The following MAP2K2 variants were observed in gnomAD, a reference collection of about 807,000 sequenced individuals.
The protein encoded by MAP2K2 is mitogen-activated protein kinase kinase 2.
A neutral mutation model predicts 43.7 loss-of-function variants in MAP2K2; 24 were observed. The ratio of observed to expected loss-of-function variants is 0.55; its 90% CI spans 0.40 to 0.77. MAP2K2 has a LOEUF of 0.77. MAP2K2 is among the 30% of genes least tolerant of loss of function. The probability of loss-of-function intolerance (pLI) is 0.00; values close to 1 mark genes in which losing one functional copy is unlikely to be tolerated. For missense variants in MAP2K2, 470 were observed against 566.8 expected, an observed-to-expected ratio of 0.83 and a Z score of 1.73; for synonymous variants, 244 against 239.7, an observed-to-expected ratio of 1.02 and a Z score of -0.17.
At chr19:4,120,480 AT>A (rs1444724012) in intron 1 of MAP2K2, among the ~76,000 whole-genome samples, 2 of 151,988 alleles carry the variant, frequency 1.3e-5, no homozygotes, top group African/African-American at 4.8e-5. Flanking sequence ...CGCTCAGCTA[AT>A]TTTTTTGGCA....
In MAP2K2 at chr19:4,122,013, C is replaced by T. The variant is rs375413747; in HGVS notation, c.92+1771G>A. ...CCCCTAAGGGACCCCCCTGCCCCACCTTGGCACCCTAGGTGCCCTCTTCAT... is the reference window on the plus strand; with the variant it reads ...CCCCTAAGGGACCCCCCTGCCCCACTTTGGCACCCTAGGTGCCCTCTTCAT... On this transcript the variant is annotated intron_variant, in intron 1 of 10. Transcript: ENST00000262948. Among the ~76,000 whole-genome samples the T allele has an allele frequency of 1.9e-3, 272 of 142,328 alleles. 19 individuals are homozygous for T. In the South Asian group the frequency reaches 0.065, roughly 34 times the overall value. The allele number at this position is 142,328 out of a possible 152,430, so 93.4% of individuals were successfully genotyped here.
chr19:4,110,843 GCTCACAGCAGCACGA>G (rs1055675372), intron 2 of MAP2K2, among the ~76,000 whole-genome samples, 188 bp from the exon 3 acceptor site: 5 of 152,246 alleles, frequency 3.3e-5, no homozygotes, highest in Admixed American at 2.0e-4. Context: ...TGTCCCAAGT[GCTCACAGCAGCACGA>G]CTCACAGCAG....
At chr19:4,108,134 C>T (rs1260716239) in intron 3 of MAP2K2, among the ~76,000 whole-genome samples, 4 of 152,174 alleles carry the variant, frequency 2.6e-5, no homozygotes, top group African/African-American at 4.8e-5. Context: ...TTCACAGGGC[C>T]GGCGAGGATG....
At chr19:4,104,423 C>T (rs1176135602) in intron 3 of MAP2K2, among the ~76,000 whole-genome samples, 1 of 151,356 alleles carries the variant, frequency 6.6e-6, no homozygotes, top group Admixed American at 6.6e-5. Context: ...CGTGGTGGTG[C>T]ACGCCTGTAG....
At chr19:4,106,232 C>T (rs942261608) in intron 3 of MAP2K2, among the ~76,000 whole-genome samples, 1 of 152,022 alleles carries the variant, frequency 6.6e-6, no homozygotes, top group Non-Finnish European at 1.5e-5. Flanking sequence ...ATGGAGAGAC[C>T]CTATCTCTAC....
At chr19:4,110,187 C>T (rs2041136158) in intron 3 of MAP2K2, among the ~76,000 whole-genome samples, 1 of 151,958 alleles carries the variant, frequency 6.6e-6, no homozygotes, top group Admixed American at 6.6e-5. Context: ...GCCTGTAATC[C>T]CAGCTACTCG....
chr19:4,110,437 G>C (rs2145069189), intron 3 of MAP2K2, 72 bp downstream of exon 3: 1 of 1,583,962 alleles, frequency 6.3e-7, no homozygotes, highest in South Asian at 1.1e-5. Context: ...GGCCGTGAGG[G>C]GGTCTTCCTT....
chr19:4,123,744 C>T (rs2041334218), intron 1 of MAP2K2, 40 bp downstream of exon 1: 3 of 1,481,048 alleles, frequency 2.0e-6, no homozygotes, highest in Non-Finnish European at 2.7e-6. Context: ...GCTCCCTGCC[C>T]CGTGCACCCC....
At chr19:4,117,333 G>A in intron 2 of MAP2K2, 86 bp downstream of exon 2, 2 of 1,256,614 alleles carry the variant, frequency 1.6e-6, no homozygotes, top group Middle Eastern at 2.6e-4. Flanking sequence ...AGAATGCAGA[G>A]ACCCGGCTGC....
At chr19:4,104,940 T>C (rs11883393) in intron 3 of MAP2K2, 21,350 of 152,238 alleles carry the variant, frequency 0.14, 2,628 homozygotes, top group African/African-American at 0.34. Context: ...ATCCCCCAGT[T>C]GTGACAACCA....
In MAP2K2 at chr19:4,090,482, G is replaced by A. The variant is rs541904990; in HGVS notation, c.*116C>T. 37 of 893,570 alleles carry A rather than the reference G, an allele frequency of 4.1e-5. No homozygotes were observed. Among genetic ancestry groups the A allele is most frequent in the South Asian group, 4.1e-4 (29 of 70,112 alleles). The allele number at this position is 893,570 out of a possible 1,614,324, so 55.4% of individuals were successfully genotyped here. A position where few individuals can be genotyped will look rare whatever the true frequency, so the allele number is the denominator to read the frequency against. Reference sequence around the variant, plus strand: ...CTGTCGCCCCGCCACGGTGCTCTCCGCAGGGGTGAGGCAGGAGGGTGGGTG... The same window carrying A: ...CTGTCGCCCCGCCACGGTGCTCTCCACAGGGGTGAGGCAGGAGGGTGGGTG... On this transcript the variant is annotated 3_prime_UTR_variant, in exon 11 of 11. Transcript: ENST00000262948.
intron 8 of MAP2K2, among the ~76,000 whole-genome samples, chr19:4,096,326 C>T (rs1240625637): frequency 6.6e-6 from 1 of 152,202 alleles, no homozygotes; most frequent in Non-Finnish European, 1.5e-5. Context: ...CGCCACCCAA[C>T]CCCAGGCCTA....
intron 3 of MAP2K2, among the ~76,000 whole-genome samples, chr19:4,107,807 C>G (rs112481180): frequency 1.3e-5 from 2 of 152,158 alleles, no homozygotes; most frequent in Admixed American, 6.5e-5. Context: ...CTGCAGCAGC[C>G]AGGACATGGA....
chr19:4,103,562 G>A (rs2041046288), intron 3 of MAP2K2: 1 of 152,374 alleles, frequency 6.6e-6, no homozygotes, highest in African/African-American at 2.4e-5. Flanking sequence ...TGGCTGGGGA[G>A]CCTGGATTTC....
intron 10 of MAP2K2, among the ~76,000 whole-genome samples, chr19:4,094,149 A>G (rs1264394798): frequency 6.6e-6 from 1 of 152,188 alleles, no homozygotes; most frequent in Non-Finnish European, 1.5e-5. Context: ...CATGAGGGCA[A>G]AGAAGCCCGG....
At chr19:4,113,531 G>A (rs1435127535) in intron 2 of MAP2K2, among the ~76,000 whole-genome samples, 1 of 152,154 alleles carries the variant, frequency 6.6e-6, no homozygotes, top group Non-Finnish European at 1.5e-5. Flanking sequence ...AGCAAGCTCA[G>A]GTTCGGAGCC....
chr19:4,113,211 G>A (rs940607777), intron 2 of MAP2K2, among the ~76,000 whole-genome samples: 5 of 152,208 alleles, frequency 3.3e-5, no homozygotes, highest in African/African-American at 1.2e-4. Context: ...CAGGAGCTCC[G>A]AACGTGAAAT....
intron 6 of MAP2K2, chr19:4,100,529 G>A (rs1009011965): frequency 1.8e-4 from 29 of 163,324 alleles, no homozygotes; most frequent in Middle Eastern, 3.1e-3. Flanking sequence ...AGATCTGGCC[G>A]GGCGTGGTGG....
Position 4,115,305 on chromosome 19 carries a change from G to C in MAP2K2, c.303+2114C>G, listed in dbSNP as rs534152719. ...CCCCGATCTCCCTTTCCCCGCTACA[G>C]TAAAGCTGCAGGTGGGCCCGGCTTC... On this transcript the variant is annotated intron_variant, in intron 2 of 10. Transcript: ENST00000262948. This position sits in a 1 kb window ranked among gnomAD's most constrained non-coding sequence, Gnocchi z 4.1. Among the ~76,000 whole-genome samples, 10 of 152,296 alleles carry C rather than the reference G, an allele frequency of 6.6e-5. No individual in the cohort carries two copies. The highest frequency in any genetic ancestry group is 2.0e-4 in the Admixed American group (3 of 15,300).
Sources: allele counts gnomAD v4.1 joint callset (sites outside exome capture counted in the v4.1 genomes callset), GRCh38; gene constraint gnomAD v4.1.1; non-coding constraint Gnocchi (gnomAD v3.1); transcripts MANE v1.5; gene names NCBI Gene and HGNC (gene_info 2026-07-23, HGNC 2026-07-21).